The following PRELID2 variants were observed in gnomAD, a reference collection of about 807,000 sequenced individuals.
PRELID2 encodes the protein PRELI domain-containing protein 2.
PRELID2 carries 25 observed loss-of-function variants against 28.4 expected under a neutral mutation model. The ratio of observed to expected loss-of-function variants is 0.88; its 90% CI spans 0.64 to 1.23. The LOEUF (loss-of-function observed/expected upper bound fraction) is 1.23. PRELID2 is among the 50% of genes most tolerant of loss of function. The probability of loss-of-function intolerance (pLI) is 0.00; values close to 1 mark genes in which losing one functional copy is unlikely to be tolerated. For synonymous variants in PRELID2, 76 were observed against 71.6 expected (o/e 1.06, Z -0.31); for missense variants, 201 against 214.4 (o/e 0.94, Z 0.39).
chr5:145,695,194 G>T (rs986208564), intron 1 of PRELID2, among the ~76,000 whole-genome samples: 8 of 152,222 alleles, frequency 5.3e-5, no homozygotes, highest in Non-Finnish European at 7.3e-5. Flanking sequence ...TACCCCTTTA[G>T]AGCAGTTGGA....
the PRELID2 span, among the ~76,000 whole-genome samples, chr5:145,333,431 G>A: frequency 6.6e-6 from 1 of 152,184 alleles, no homozygotes; most frequent in Non-Finnish European, 1.5e-5. Flanking sequence ...ATAAGCCCCT[G>A]ACTGGGGCTG....
chr5:145,762,960 T>A (rs1757543842), intron 6 of PRELID2, among the ~76,000 whole-genome samples: 1 of 152,180 alleles, frequency 6.6e-6, no homozygotes, highest in South Asian at 2.1e-4. Context: ...AGGATCACCA[T>A]CACCTGGAAA....
At chr5:145,625,076 A>G (rs1187805907) in intron 1 of PRELID2, among the ~76,000 whole-genome samples, 1 of 152,164 alleles carries the variant, frequency 6.6e-6, no homozygotes, top group East Asian at 1.9e-4. Flanking sequence ...TGATGATACC[A>G]AGTGTTGGCT....
intron 1 of PRELID2, among the ~76,000 whole-genome samples, chr5:145,521,112 G>A (rs1489864461): frequency 1.3e-5 from 2 of 152,180 alleles, no homozygotes; most frequent in African/African-American, 2.4e-5. Flanking sequence ...AGAAATTAAA[G>A]ATGAGGAATG....
intron 1 of PRELID2, among the ~76,000 whole-genome samples, chr5:145,502,439 C>T (rs1752367904): frequency 6.6e-6 from 1 of 152,012 alleles, no homozygotes; most frequent in African/African-American, 2.4e-5. Context: ...GACACAGATC[C>T]AATCTGTATT....
intron 1 of PRELID2, among the ~76,000 whole-genome samples, chr5:145,746,018 C>T (rs191670889): frequency 1.3e-5 from 2 of 152,168 alleles, no homozygotes; most frequent in East Asian, 3.9e-4. Context: ...GAAAGAAGCA[C>T]TAAATATGGA....
chr5:145,828,832 C>CTTTTTTTT (rs67543120), intron 1 of PRELID2, among the ~76,000 whole-genome samples: 7 of 68,284 alleles, frequency 1.0e-4, no homozygotes, highest in East Asian at 4.7e-4. Context: ...TGAAAAAAAT[C>CTTTTTTTT]TTTTTTTTTT....
At chr5:145,329,600 G>A in the PRELID2 span, among the ~76,000 whole-genome samples, 1 of 152,138 alleles carries the variant, frequency 6.6e-6, no homozygotes, top group Non-Finnish European at 1.5e-5. Context: ...TTGATGTATA[G>A]GAGTGCTTGT....
the PRELID2 span, among the ~76,000 whole-genome samples, chr5:145,366,834 C>A: frequency 6.6e-6 from 1 of 151,846 alleles, no homozygotes; most frequent in Non-Finnish European, 1.5e-5. Flanking sequence ...AAATTTTCTA[C>A]AATCTCAAGG....
the PRELID2 span, among the ~76,000 whole-genome samples, chr5:145,252,191 G>A: frequency 2.0e-5 from 3 of 152,064 alleles, no homozygotes; most frequent in Non-Finnish European, 2.9e-5. Flanking sequence ...CTCTCTAGAG[G>A]TGATGGATGG....
the PRELID2 span, among the ~76,000 whole-genome samples, chr5:145,242,937 A>G: frequency 6.6e-6 from 1 of 152,132 alleles, no homozygotes; most frequent in Non-Finnish European, 1.5e-5. Flanking sequence ...ATTTATATAC[A>G]TATTTAAATA....
intron 1 of PRELID2, among the ~76,000 whole-genome samples, chr5:145,483,988 T>A (rs1218108464): frequency 2.0e-5 from 3 of 152,208 alleles, no homozygotes; most frequent in Non-Finnish European, 4.4e-5. Context: ...TTACTGAAGG[T>A]TGGCTACTCA....
intron 1 of PRELID2, among the ~76,000 whole-genome samples, chr5:145,488,565 C>G (rs1028698726): frequency 5.9e-5 from 9 of 152,068 alleles, no homozygotes; most frequent in Non-Finnish European, 1.2e-4. Flanking sequence ...AAAAAAGAAG[C>G]CACAATTATT....
chr5:145,559,998 T>C (rs2126691539), intron 1 of PRELID2, among the ~76,000 whole-genome samples: 1 of 152,268 alleles, frequency 6.6e-6, no homozygotes, highest in Non-Finnish European at 1.5e-5. Context: ...CTACCAAACA[T>C]AGCTTAGCCT....
At chr5:145,266,359 C>CAA in the PRELID2 span, among the ~76,000 whole-genome samples, 17 of 116,672 alleles carry the variant, frequency 1.5e-4, no homozygotes, top group Admixed American at 9.4e-4. Context: ...AGACAAAAAG[C>CAA]AAAAAAAAAA....
chr5:145,337,630 A>G, the PRELID2 span, among the ~76,000 whole-genome samples: 1 of 148,488 alleles, frequency 6.7e-6, no homozygotes, highest in Non-Finnish European at 1.5e-5. Context: ...AGCTTATTAT[A>G]AAGGCTATTT....
intron 1 of PRELID2, among the ~76,000 whole-genome samples, chr5:145,720,756 C>G (rs1342043255): frequency 6.6e-6 from 1 of 151,294 alleles, no homozygotes; most frequent in Non-Finnish European, 1.5e-5. Context: ...CATAAAATGT[C>G]AAATGCTCCC....
In PRELID2 at chr5:145,608,871, G is replaced by A. The variant is rs376221173; in HGVS notation, n.71-135556C>T. ...TTGATTTCTCTTCTTCCCTTTCAGG[G>A]ACATCAATGAGTCACAGATTTGGTC... On this transcript the variant is annotated intron_variant and non_coding_transcript_variant, in intron 1 of 2. Coordinates refer to the PRELID2 transcript ENST00000510259. Among the ~76,000 whole-genome samples, 7 of 152,226 alleles carry A rather than the reference G, an allele frequency of 4.6e-5. No homozygotes were observed. The East Asian group carries it at 1.2e-3, about 25-fold the overall frequency.
At chr5:145,740,600 TA>T (rs1363831651) in intron 1 of PRELID2, among the ~76,000 whole-genome samples, 133 of 5,826 alleles carry the variant, frequency 0.023, 3 homozygotes, top group African/African-American at 0.046. Context: ...TAAATATATA[TA>T]TATTATATAT....
Sources: allele counts gnomAD v4.1 joint callset (sites outside exome capture counted in the v4.1 genomes callset), GRCh38; gene constraint gnomAD v4.1.1; transcripts MANE v1.5; gene names NCBI Gene and HGNC (gene_info 2026-07-23, HGNC 2026-07-21).